Variants in OTUD7B observed in about 807,000 individuals in gnomAD.
The protein encoded by OTUD7B is OTU domain-containing protein 7B.
A neutral mutation model predicts 82.2 loss-of-function variants in OTUD7B; 34 were observed. The ratio of observed to expected loss-of-function variants is 0.41; its 90% CI spans 0.31 to 0.55. The LOEUF is 0.55. OTUD7B is among the 20% of genes least tolerant of loss of function. OTUD7B has a pLI of 0.20. For synonymous variants in OTUD7B, 398 were observed against 402.7 expected (o/e 0.99, Z 0.14); for missense variants, 944 against 1,062.1 (o/e 0.89, Z 1.55).
the OTUD7B span, among the ~76,000 whole-genome samples, chr1:150,015,955 A>G: frequency 2.0e-5 from 3 of 152,340 alleles, no homozygotes; most frequent in African/African-American, 7.2e-5. Flanking sequence ...AGAGATGAAA[A>G]GAAAGAATAA....
At chr1:149,984,452 C>T (rs1301943799) in intron 1 of OTUD7B, among the ~76,000 whole-genome samples, 1 of 152,182 alleles carries the variant, frequency 6.6e-6, no homozygotes, top group African/African-American at 2.4e-5. Context: ...TTGACACTTA[C>T]TGACCACTCT....
At position 149,949,020 on chromosome 1, in the gene OTUD7B, C is replaced by A. The variant is rs192984583; in HGVS notation, c.1187G>T (p.Gly396Val). Reference protein sequence around the residue: ...LLPLHFAVDPGKGWEWGKDDS... With the variant: ...LLPLHFAVDPVKGWEWGKDDS... ...ATCTTTGCCCCACTCCCAGCCCTTTCCAGGGTCCACAGCAAAGTGCAAGGG... is the reference window on the plus strand; with the variant it reads ...ATCTTTGCCCCACTCCCAGCCCTTTACAGGGTCCACAGCAAAGTGCAAGGG... The change falls in exon 10 of 12, where the codon GGA (glycine) becomes GTA (valine). Residue 396 changes from glycine (G) to valine (V), a missense_variant. Physicochemically the swap from Gly to Val is moderately radical, Grantham distance 109. Transcript: ENST00000581312. The A allele has an allele frequency of 1.2e-3, 1,975 of 1,614,126 alleles. 3 individuals carry two copies. The highest frequency in any genetic ancestry group is 1.5e-3 in the Non-Finnish European group (1,816 of 1,179,956).
the OTUD7B span, among the ~76,000 whole-genome samples, chr1:150,052,580 T>C: frequency 6.6e-6 from 1 of 152,188 alleles, no homozygotes; most frequent in African/African-American, 2.4e-5. Context: ...GTCATTAAAA[T>C]GGTCATATTG....
At chr1:150,029,410 G>A in the OTUD7B span, among the ~76,000 whole-genome samples, 5 of 152,132 alleles carry the variant, frequency 3.3e-5, no homozygotes, top group Non-Finnish European at 7.4e-5. Context: ...TGTGATTCAA[G>A]CGAGGTCATT....
chr1:149,949,800 A>C, intron 8 of OTUD7B, 22 bp from the exon 9 acceptor site: 1 of 1,608,682 alleles, frequency 6.2e-7, no homozygotes, highest in Middle Eastern at 1.7e-4. Flanking sequence ...CATGAAGATT[A>C]TTATGAAGGC....
chr1:150,036,195 C>G, the OTUD7B span, among the ~76,000 whole-genome samples: 1 of 151,614 alleles, frequency 6.6e-6, no homozygotes, highest in Non-Finnish European at 1.5e-5. Flanking sequence ...CTGAAGCAAT[C>G]CTCCCACCTG....
At chr1:149,991,345 T>C (rs1553782048) in intron 1 of OTUD7B, among the ~76,000 whole-genome samples, 1 of 152,202 alleles carries the variant, frequency 6.6e-6, no homozygotes, top group African/African-American at 2.4e-5. Context: ...CCTTTTATAA[T>C]AATAATTTTT....
intron 1 of OTUD7B, among the ~76,000 whole-genome samples, chr1:150,003,133 C>G (rs1396325043): frequency 2.0e-5 from 3 of 151,918 alleles, no homozygotes; most frequent in African/African-American, 7.3e-5. Context: ...GCCTGTAGTC[C>G]CAGCAACTCG....
At chr1:149,986,243 A>T (rs1352426295) in intron 1 of OTUD7B, among the ~76,000 whole-genome samples, 1 of 150,414 alleles carries the variant, frequency 6.6e-6, no homozygotes, top group African/African-American at 2.5e-5. Context: ...CCCATCACAC[A>T]CACACACACA....
the OTUD7B span, among the ~76,000 whole-genome samples, chr1:150,037,459 A>G: frequency 2.0e-5 from 3 of 152,208 alleles, no homozygotes; most frequent in Non-Finnish European, 4.4e-5. Context: ...TTGGCAGATG[A>G]TACCTTATAT....
upstream of OTUD7B, among the ~76,000 whole-genome samples, chr1:150,015,595 C>T (rs1475821239): frequency 3.5e-4 from 54 of 152,234 alleles, 1 homozygote; most frequent in East Asian, 1.9e-4. Context: ...AAGTGTGAGC[C>T]ACCATGCCCG....
chr1:149,943,751 A>C lies in OTUD7B; in HGVS notation c.*106T>G. On this transcript the variant is annotated 3_prime_UTR_variant, in exon 12 of 12. Transcript: ENST00000581312. ...TAAAAGTTTCCAGCCAGGCTCCCACAAACATTACTGCATTTTCCCCCTCAA... is the reference window on the plus strand; with the variant it reads ...TAAAAGTTTCCAGCCAGGCTCCCACCAACATTACTGCATTTTCCCCCTCAA... The C allele has an allele frequency of 8.1e-7, 1 of 1,233,080 alleles. No homozygotes were observed. The highest frequency in any genetic ancestry group is 1.2e-6 in the Non-Finnish European group (1 of 862,862). The allele number at this position is 1,233,080 out of a possible 1,614,324, so 76.4% of individuals were successfully genotyped here.
chr1:149,944,748 T>G lies in OTUD7B; in HGVS notation c.1641A>C (p.Thr547=), dbSNP rs782496050. Residue 547 remains threonine (T), a synonymous_variant, in exon 12 of 12, where the codon ACA becomes ACC. Transcript: ENST00000581312. The stretch of plus-strand genomic sequence containing the variant: ...GTGAGTTTTTCTTCTTCTTCTCCAG[T>G]GTCTCAGTGCCGCTGCTTCCTCCCA... ...TGLGGSSGTE[T]LEKKKKNSLK... 3 of 1,613,966 alleles carry G rather than the reference T, an allele frequency of 1.9e-6. No homozygotes were observed. Among genetic ancestry groups the G allele is most frequent in the Admixed American group, 1.7e-5 (1 of 60,016 alleles).
At chr1:149,947,648 C>A (rs1224423325) in intron 10 of OTUD7B, among the ~76,000 whole-genome samples, 1 of 152,070 alleles carries the variant, frequency 6.6e-6, no homozygotes. Context: ...TAGCCATTAT[C>A]ATTGTTGTTG....
chr1:150,031,854 A>C, the OTUD7B span, among the ~76,000 whole-genome samples: 3 of 152,242 alleles, frequency 2.0e-5, no homozygotes, highest in African/African-American at 7.2e-5. Flanking sequence ...CTGGCACATA[A>C]TAAGGTCTAT....
At position 149,967,330 on chromosome 1, in the gene OTUD7B, T is replaced by C; in HGVS notation, c.466A>G (p.Ile156Val). Residue 156 changes from isoleucine to valine, a missense_variant, in exon 4 of 12, where the codon ATT (isoleucine) becomes GTT (valine). Ile to Val is a conservative substitution (Grantham distance 29). Transcript: ENST00000581312. ...DFRSFIERDL[I>V]EQSMLVALEQ... The stretch of plus-strand genomic sequence containing the variant: ...AAGGCAACCAGCATGGACTGCTCAA[T>C]GAGGTCTCTCTCTATGAAGCTGCGG... 1 of 1,614,054 alleles carries C rather than the reference T, an allele frequency of 6.2e-7. No homozygotes were observed. Among genetic ancestry groups the C allele is most frequent in the South Asian group, 1.1e-5 (1 of 91,054 alleles).
chr1:149,949,953 AT>A, intron 8 of OTUD7B, 140 bp downstream of exon 8: 1 of 1,303,462 alleles, frequency 7.7e-7, no homozygotes, highest in South Asian at 1.5e-5. Context: ...TCTCTTGAGA[AT>A]TTTGCACTAT....
the OTUD7B span, among the ~76,000 whole-genome samples, chr1:150,052,703 T>A: frequency 6.6e-6 from 1 of 151,306 alleles, no homozygotes; most frequent in Admixed American, 6.6e-5. Flanking sequence ...AGAGCCCAAA[T>A]AGCAAAGCCA....
the OTUD7B span, among the ~76,000 whole-genome samples, chr1:150,034,426 T>C: frequency 6.6e-6 from 1 of 152,210 alleles, no homozygotes; most frequent in Admixed American, 6.5e-5. Flanking sequence ...AAGTTAGATG[T>C]AGATGACAGC....
Sources: gnomAD v4.1 joint callset for allele counts (sites outside exome capture counted in the v4.1 genomes callset) on GRCh38, gnomAD v4.1.1 for gene constraint, MANE v1.5 for transcripts, NCBI Gene and HGNC (gene_info 2026-07-23, HGNC 2026-07-21) for gene names.